Variants in MPDZ observed in about 807,000 individuals in gnomAD.
MPDZ encodes the protein multiple PDZ domain crumbs cell polarity complex component.
A neutral mutation model predicts 239.1 loss-of-function variants in MPDZ; 234 were observed. The ratio of observed to expected loss-of-function variants is 0.98; its 90% CI spans 0.88 to 1.09. The LOEUF is 1.09. MPDZ is among the 50% of genes least tolerant of loss of function. The pLI is 0.00. For synonymous variants in MPDZ, 1,048 were observed against 881.3 expected, an observed-to-expected ratio of 1.19 and a Z score of -3.35; for missense variants, 3,175 against 2,510.0, an observed-to-expected ratio of 1.26 and a Z score of -5.66.
chr9:13,241,627 T>C (rs1422990336), intron 3 of MPDZ, among the ~76,000 whole-genome samples: 1 of 152,232 alleles, frequency 6.6e-6, no homozygotes, highest in East Asian at 1.9e-4. Flanking sequence ...CAGGCACTTC[T>C]GCTCTTTAAG....
intron 38 of MPDZ, among the ~76,000 whole-genome samples, chr9:13,121,066 T>C (rs1228628533): frequency 6.6e-6 from 1 of 152,222 alleles, no homozygotes. Context: ...TACATGTAAA[T>C]ACTTTTAAAA....
intron 3 of MPDZ, among the ~76,000 whole-genome samples, chr9:13,245,897 T>A (rs1429507028): frequency 6.6e-6 from 1 of 150,716 alleles, no homozygotes; most frequent in African/African-American, 2.5e-5. Context: ...CCTTTTACAT[T>A]AAGACTGTCT....
chr9:13,203,130 C>T (rs905724751), intron 12 of MPDZ, among the ~76,000 whole-genome samples: 41 of 151,978 alleles, frequency 2.7e-4, no homozygotes, highest in Non-Finnish European at 5.3e-4. Flanking sequence ...TCAGACTGTA[C>T]CCCAAACATA....
At chr9:13,270,514 G>A (rs1024749589) in intron 1 of MPDZ, among the ~76,000 whole-genome samples, 2 of 150,094 alleles carry the variant, frequency 1.3e-5, no homozygotes, top group Non-Finnish European at 3.0e-5. Context: ...AAGGCAATAT[G>A]ATAAAAGACA....
intron 21 of MPDZ, among the ~76,000 whole-genome samples, chr9:13,170,176 G>A (rs181205457): frequency 1.3e-5 from 2 of 152,128 alleles, no homozygotes; most frequent in East Asian, 1.9e-4. Context: ...TTTGACAGAT[G>A]TCACAAATTC....
In MPDZ at chr9:13,162,076, G is replaced by A. The variant is rs138731106; in HGVS notation, c.3359+615C>T. Among the ~76,000 whole-genome samples the A allele has an allele frequency of 1.3e-3, 196 of 152,134 alleles. 1 individual carries two copies. The highest frequency in any genetic ancestry group is 4.5e-3 in the African/African-American group (187 of 41,552). On this transcript the variant is annotated intron_variant, in intron 23 of 46. Coordinates refer to ENST00000319217, the MANE Select transcript of MPDZ (RefSeq NM_001378778.1). ...GCTCAGAAGTTTGAGACCAGCCTGA[G>A]CAATATGGCAAAACCCCATCTCTAC...
intron 1 of MPDZ, among the ~76,000 whole-genome samples, chr9:13,266,668 A>G (rs1256314773): frequency 1.3e-5 from 2 of 152,230 alleles, no homozygotes; most frequent in Non-Finnish European, 1.5e-5. Context: ...AGAAAATACT[A>G]TAACTTTTCC....
intron 22 of MPDZ, among the ~76,000 whole-genome samples, chr9:13,166,407 T>A (rs1951080896): frequency 6.6e-6 from 1 of 152,094 alleles, no homozygotes; most frequent in African/African-American, 2.4e-5. Flanking sequence ...TTTTTTTTTC[T>A]GAAAAAGCAT....
intron 10 of MPDZ, among the ~76,000 whole-genome samples, chr9:13,212,479 G>C (rs1957737376): frequency 6.6e-6 from 1 of 151,956 alleles, no homozygotes; most frequent in African/African-American, 2.4e-5. Context: ...TTTTCTGGGA[G>C]AGGTTTTTGT....
intron 1 of MPDZ, among the ~76,000 whole-genome samples, chr9:13,277,046 T>C (rs992532221): frequency 6.6e-6 from 1 of 152,218 alleles, no homozygotes; most frequent in African/African-American, 2.4e-5. Flanking sequence ...CTTCAACTTG[T>C]AGAAATATAC....
chr9:13,149,975 T>C (rs541096117), intron 25 of MPDZ, among the ~76,000 whole-genome samples: 9 of 151,556 alleles, frequency 5.9e-5, no homozygotes, highest in African/African-American at 2.2e-4. Context: ...AAGACTCACT[T>C]GGAAAAAAAA....
chr9:13,277,159 T>C (rs922511918), intron 1 of MPDZ, among the ~76,000 whole-genome samples: 1 of 152,140 alleles, frequency 6.6e-6, no homozygotes, highest in Non-Finnish European at 1.5e-5. Context: ...GTCTAGGTGA[T>C]AGGACTTTGA....
At chr9:13,159,474 G>T (rs1950211909) in intron 23 of MPDZ, among the ~76,000 whole-genome samples, 1 of 152,152 alleles carries the variant, frequency 6.6e-6, no homozygotes, top group African/African-American at 2.4e-5. Context: ...TAGTAAAAGT[G>T]AAATCTTTGT....
At chr9:13,279,250 T>TACCCCCACCCCCACCCCCGCCCCC (rs1975032896) in intron 1 of MPDZ, 150 bp downstream of exon 1, 1 of 45,844 alleles carries the variant, frequency 2.2e-5, no homozygotes, top group African/African-American at 6.5e-5. Context: ...CCGCCACCCC[T>TACCCCCACCCCCACCCCCGCCCCC]ACCCCCACCC....
At position 13,269,444 on chromosome 9, in the gene MPDZ, T is replaced by G. The variant is rs1430877399; in HGVS notation, c.-58+9956A>C. Among the ~76,000 whole-genome samples the G allele has an allele frequency of 9.2e-5, 14 of 152,216 alleles. No homozygotes were observed. In the South Asian group the frequency reaches 2.7e-3, roughly 29 times the overall value. The stretch of plus-strand genomic sequence containing the variant: ...CAGAAGTAATGGCTGTGAGATAAAT[T>G]AAAAATCCTAGTGGAATCAATAACA... On this transcript the variant is annotated intron_variant, in intron 1 of 46. Transcript: ENST00000319217.
In MPDZ at chr9:13,174,843, C is replaced by T. The variant is rs1276441916; in HGVS notation, c.3055+909G>A. Among the ~76,000 whole-genome samples the T allele has an allele frequency of 5.3e-5, 8 of 152,226 alleles. No individual in the cohort carries two copies. In the East Asian group the frequency reaches 1.5e-3, roughly 29 times the overall value. ...TTCTGTTTAGCTGCTGTTGGTAGTA[C>T]CCCGCCACCATCAAATGGAACAAAA... On this transcript the variant is annotated intron_variant, in intron 21 of 46. Coordinates refer to ENST00000319217, the MANE Select transcript of MPDZ (RefSeq NM_001378778.1).
rs201154034 is a variant in MPDZ, at chr9:13,123,157, A to T, written c.4949T>A (p.Leu1650Gln). 83 of 1,611,772 alleles carry T rather than the reference A, an allele frequency of 5.1e-5. No homozygotes were observed. In the African/African-American group the frequency reaches 9.4e-4, roughly 18 times the overall value. Residue 1650 changes from leucine (L) to glutamine (Q), a missense_variant, in exon 36 of 47, where the codon CTG becomes CAG. By Grantham distance (113) the Leu-to-Gln change is moderately radical. Coordinates refer to ENST00000319217, the MANE Select transcript of MPDZ (RefSeq NM_001378778.1). Reference sequence around the variant, plus strand: ...GCACCTCTGGGTGGTGCTCACCAGCAGCGTGTCTGAACCCCCAACGATGCT... The same window carrying T: ...GCACCTCTGGGTGGTGCTCACCAGCTGCGTGTCTGAACCCCCAACGATGCT... ...GLSIVGGSDT[L>Q]LGAIIIHEVY...
intron 8 of MPDZ, among the ~76,000 whole-genome samples, chr9:13,219,036 A>G (rs540123621): frequency 6.6e-6 from 1 of 152,136 alleles, no homozygotes; most frequent in African/African-American, 2.4e-5. Context: ...TACAAATCTG[A>G]TAACAGTTCT....
intron 3 of MPDZ, among the ~76,000 whole-genome samples, chr9:13,240,037 G>T (rs930824241): frequency 1.3e-5 from 2 of 152,120 alleles, no homozygotes; most frequent in East Asian, 3.9e-4. Flanking sequence ...AGTGGGGAAG[G>T]TATCAAAATT....
Sources: gnomAD v4.1 joint callset for allele counts (sites outside exome capture counted in the v4.1 genomes callset) on GRCh38, gnomAD v4.1.1 for gene constraint, MANE v1.5 for transcripts, NCBI Gene and HGNC (gene_info 2026-07-23, HGNC 2026-07-21) for gene names.